The following LRRFIP1 variants were observed in gnomAD, a reference collection of about 807,000 sequenced individuals.
The protein encoded by LRRFIP1 is LRR binding FLII interacting protein 1, also known as leucine-rich repeat flightless-interacting protein 1.
A neutral mutation model predicts 104.4 loss-of-function variants in LRRFIP1; 62 were observed. The ratio of observed to expected loss-of-function variants is 0.59; its 90% CI spans 0.48 to 0.73. The LOEUF is 0.73. Among genes scored for constraint, LRRFIP1 ranks in the 30% least tolerant of loss-of-function variants. LRRFIP1 has a pLI of 0.00. For synonymous variants in LRRFIP1, 300 were observed against 299.0 expected (o/e 1.00, Z -0.03); for missense variants, 796 against 824.5 (o/e 0.97, Z 0.42).
intron 7 of LRRFIP1, among the ~76,000 whole-genome samples, chr2:237,726,560 C>G (rs955860512): frequency 2.0e-5 from 3 of 152,190 alleles, no homozygotes; most frequent in African/African-American, 2.4e-5. Context: ...CTCACGATGG[C>G]TTTGTAATGT....
chr2:237,733,159 C>T (rs1295230353), intron 8 of LRRFIP1, among the ~76,000 whole-genome samples: 1 of 152,192 alleles, frequency 6.6e-6, no homozygotes, highest in Non-Finnish European at 1.5e-5. Context: ...GGGAGCTGCC[C>T]TTGTGTCCCA....
At chr2:237,674,928 G>C (rs2090908956) in intron 1 of LRRFIP1, among the ~76,000 whole-genome samples, 1 of 152,236 alleles carries the variant, frequency 6.6e-6, no homozygotes, top group Non-Finnish European at 1.5e-5. Flanking sequence ...CTTGCTGCAG[G>C]GCCAGAGCTG....
chr2:237,758,223 A>AGTGTGTGTGTGTGTGTGTGT (rs138141222), intron 17 of LRRFIP1, among the ~76,000 whole-genome samples: 4 of 149,632 alleles, frequency 2.7e-5, no homozygotes, highest in Non-Finnish European at 4.5e-5. Context: ...AGCACTTAGG[A>AGTGTGTGTGTGTGTGTGTGT]GTGTGTGTGT....
At chr2:237,656,164 T>A (rs2086791439) in intron 1 of LRRFIP1, among the ~76,000 whole-genome samples, 1 of 152,226 alleles carries the variant, frequency 6.6e-6, no homozygotes, top group African/African-American at 2.4e-5. Flanking sequence ...TGGCAATGCA[T>A]ATATGTATTT....
chr2:237,643,164 G>A (rs1232241097), intron 1 of LRRFIP1, among the ~76,000 whole-genome samples: 2 of 152,260 alleles, frequency 1.3e-5, no homozygotes, highest in Non-Finnish European at 2.9e-5. Flanking sequence ...TTCTGAACAT[G>A]CAGCAGTGTG....
intron 23 of LRRFIP1, among the ~76,000 whole-genome samples, chr2:237,778,865 C>G (rs2150951172): frequency 6.6e-6 from 1 of 151,104 alleles, no homozygotes; most frequent in Admixed American, 6.6e-5. Flanking sequence ...TGCAGTGAGC[C>G]AAGATCACAC....
chr2:237,670,288 A>C (rs911755802), intron 1 of LRRFIP1, among the ~76,000 whole-genome samples: 1 of 152,200 alleles, frequency 6.6e-6, no homozygotes, highest in African/African-American at 2.4e-5. Flanking sequence ...GGCCTTGGGC[A>C]GGTCACTGGT....
At position 237,717,782 on chromosome 2, in the gene LRRFIP1, A is replaced by C; in HGVS notation, c.222A>C (p.Thr74=). 1 of 1,613,040 alleles carries C rather than the reference A, an allele frequency of 6.2e-7. No individual in the cohort carries two copies. The highest frequency in any genetic ancestry group is 8.5e-7 in the Non-Finnish European group (1 of 1,178,982). Residue 74 remains threonine, a synonymous_variant, in exon 4 of 24, where the codon ACA becomes ACC. Transcript: ENST00000308482. This position sits in a 1 kb window ranked among gnomAD's most constrained non-coding sequence, Gnocchi z 4.2. ...QVQKKYYGLD[T]KWGDIEQWME... ...TATAGAAATATTATGGGCTGGATAC[A>C]AAATGGGGTGACATCGAGCAGTGGA...
chr2:237,747,486 C>T (rs1409615711), intron 11 of LRRFIP1, among the ~76,000 whole-genome samples: 2 of 152,192 alleles, frequency 1.3e-5, no homozygotes, highest in African/African-American at 4.8e-5. Flanking sequence ...AGCTGCAGGT[C>T]CCCGGCACCA....
chr2:237,630,912 G>A (rs1418730338), intron 1 of LRRFIP1, among the ~76,000 whole-genome samples: 2 of 152,202 alleles, frequency 1.3e-5, no homozygotes, highest in South Asian at 4.1e-4. Context: ...CTCTTCTGGT[G>A]GCTCTCTCCA....
chr2:237,638,015 A>T (rs978091873), intron 1 of LRRFIP1, among the ~76,000 whole-genome samples: 1 of 152,158 alleles, frequency 6.6e-6, no homozygotes, highest in African/African-American at 2.4e-5. Context: ...GGCACCAGGG[A>T]CCAGTTTTGT....
chr2:237,768,735 ATAAT>A (rs770297306), intron 19 of LRRFIP1: 14 of 152,268 alleles, frequency 9.2e-5, no homozygotes, highest in Non-Finnish European at 2.1e-4. Context: ...TTTGGAAAAC[ATAAT>A]TAGAGAAAAA....
chr2:237,781,441 G>A lies in LRRFIP1; in HGVS notation c.*1909G>A, dbSNP rs2061424383. 6.6e-6 allele frequency among the ~76,000 whole-genome samples: 1 copy of A among 152,118 alleles called. No homozygotes were observed. Among genetic ancestry groups the A allele is most frequent in the East Asian group, 1.9e-4 (1 of 5,186 alleles). On this transcript the variant is annotated 3_prime_UTR_variant, in exon 24 of 24. Transcript: ENST00000308482. ...TGGTAGAACAGGGCTGCAAGGCATC[G>A]ATTCCCAGGTGTCTCACAGCCCTGA...
At chr2:237,684,768 T>C (rs2092198901) in intron 1 of LRRFIP1, among the ~76,000 whole-genome samples, 1 of 152,082 alleles carries the variant, frequency 6.6e-6, no homozygotes, top group Non-Finnish European at 1.5e-5. Flanking sequence ...AATTGGTAGA[T>C]ATTTGCAGTG....
chr2:237,758,856 A>AG, intron 18 of LRRFIP1, 35 bp downstream of exon 18: 6 of 1,496,496 alleles, frequency 4.0e-6, no homozygotes, highest in African/African-American at 1.8e-5. Flanking sequence ...TTTAAAAAAA[A>AG]AGAAAAAAAA....
intron 1 of LRRFIP1, among the ~76,000 whole-genome samples, chr2:237,699,220 T>G: frequency 6.6e-6 from 1 of 152,226 alleles, no homozygotes; most frequent in East Asian, 1.9e-4. Context: ...TTCCTTCAAT[T>G]TCCATGTCGA....
At chr2:237,774,206 C>T (rs1234464031) in intron 22 of LRRFIP1, 152 bp from the exon 23 acceptor site, 4 of 611,070 alleles carry the variant, frequency 6.5e-6, no homozygotes, top group Non-Finnish European at 1.2e-5. Context: ...TTGCTTGGCT[C>T]AAACCCACAC....
chr2:237,670,799 A>G (rs1050018010), intron 1 of LRRFIP1, among the ~76,000 whole-genome samples: 6 of 152,244 alleles, frequency 3.9e-5, no homozygotes, highest in African/African-American at 1.4e-4. Flanking sequence ...GCTAGAAAGC[A>G]TGATTGTTCC....
intron 1 of LRRFIP1, chr2:237,683,582 G>T (rs1191142847): frequency 2.6e-5 from 4 of 152,220 alleles, no homozygotes; most frequent in Admixed American, 2.6e-4. Flanking sequence ...TCGAATAGTT[G>T]ATGACTTTGC....
Sources: allele counts gnomAD v4.1 joint callset (sites outside exome capture counted in the v4.1 genomes callset), GRCh38; gene constraint gnomAD v4.1.1; non-coding constraint Gnocchi (gnomAD v3.1); transcripts MANE v1.5; gene names NCBI Gene and HGNC (gene_info 2026-07-23, HGNC 2026-07-21).